Variants in MRPS31 observed in about 807,000 individuals in gnomAD.
The protein encoded by MRPS31 is small ribosomal subunit protein mS31.
MRPS31 carries 32 observed loss-of-function variants against 43.1 expected under a neutral mutation model. The observed-to-expected ratio is 0.74, with a 90% CI of 0.56 to 1.00. The LOEUF (loss-of-function observed/expected upper bound fraction) is 1.00, where lower values mean the gene tolerates loss of function less well. Ranked by LOEUF, MRPS31 falls within the 50% of genes least tolerant of loss-of-function variation. MRPS31 has a pLI of 0.00. For synonymous variants in MRPS31, 165 were observed against 161.6 expected, an observed-to-expected ratio of 1.02 and a Z score of -0.16; for missense variants, 437 against 466.7, an observed-to-expected ratio of 0.94 and a Z score of 0.59.
chr13:40,764,717 G>A (rs748754752), intron 2 of MRPS31, among the ~76,000 whole-genome samples: 1 of 152,184 alleles, frequency 6.6e-6, no homozygotes, highest in Non-Finnish European at 1.5e-5. Context: ...TAAGGTCTCA[G>A]CTGACAGCCA....
intron 2 of MRPS31, 74 bp downstream of exon 2, chr13:40,766,672 A>C: frequency 7.4e-7 from 1 of 1,350,204 alleles, no homozygotes; most frequent in East Asian, 2.3e-5. Context: ...AAGTACTTGT[A>C]TTAAAAATAT....
chr13:40,763,176 C>T (rs1880750168), intron 2 of MRPS31, among the ~76,000 whole-genome samples: 1 of 152,146 alleles, frequency 6.6e-6, no homozygotes, highest in African/African-American at 2.4e-5. Flanking sequence ...AACATTCAGA[C>T]CCAAAGGACC....
intron 2 of MRPS31, among the ~76,000 whole-genome samples, chr13:40,765,921 C>T (rs1198010721): frequency 6.6e-6 from 1 of 152,052 alleles, no homozygotes; most frequent in African/African-American, 2.4e-5. Flanking sequence ...TTGACAAACA[C>T]AAATAATTTT....
At position 40,771,131 on chromosome 13, in the gene MRPS31, A is replaced by G. The variant is rs1881000179; in HGVS notation, c.6T>C (p.Phe2=). Residue 2 remains phenylalanine (F), a synonymous_variant, in exon 1 of 7, where the codon TTT becomes TTC. Transcript: ENST00000323563. M[F]PRVSTFLPLR... The stretch of plus-strand genomic sequence containing the variant: ...GAGGTAGGAACGTCGAGACTCTAGG[A>G]AACATCGCCGAGACACGAAATGAAC... The G allele has an allele frequency of 6.2e-7, 1 of 1,602,340 alleles. No individual in the cohort carries two copies. The highest frequency in any genetic ancestry group is 8.5e-7 in the Non-Finnish European group (1 of 1,172,908).
intron 5 of MRPS31, among the ~76,000 whole-genome samples, chr13:40,751,055 T>C (rs933476816): frequency 6.6e-6 from 1 of 152,000 alleles, no homozygotes; most frequent in Non-Finnish European, 1.5e-5. Context: ...CCTTATTTTA[T>C]CTATTTTGCT....
chr13:40,770,846 G>A, intron 1 of MRPS31, 139 bp downstream of exon 1: 1 of 1,148,922 alleles, frequency 8.7e-7, no homozygotes. Context: ...TATGACCTTG[G>A]GCAAGTCATC....
intron 6 of MRPS31, among the ~76,000 whole-genome samples, chr13:40,744,130 A>G (rs1880175444): frequency 6.6e-6 from 1 of 152,234 alleles, no homozygotes; most frequent in Admixed American, 6.5e-5. Context: ...GTCCTCACTT[A>G]TAAGTGGAAG....
chr13:40,759,196 G>C (rs973495445), intron 2 of MRPS31, 90 bp from the exon 3 acceptor site: 1 of 987,508 alleles, frequency 1.0e-6, no homozygotes, highest in Non-Finnish European at 1.4e-6. Context: ...CCAGCACTTT[G>C]GGAAGCCGAG....
At chr13:40,734,945 A>T (rs146359863) in intron 6 of MRPS31, among the ~76,000 whole-genome samples, 158 of 152,304 alleles carry the variant, frequency 1.0e-3, no homozygotes, top group African/African-American at 3.5e-3. Flanking sequence ...ATGGCCGAAT[A>T]GCAACAGCTC....
In MRPS31 at chr13:40,748,645, T is replaced by G. The variant is rs1041716995; in HGVS notation, c.958+493A>C. Among the ~76,000 whole-genome samples the G allele has an allele frequency of 1.4e-4, 22 of 152,232 alleles. 1 individual carries two copies. The highest frequency in any genetic ancestry group is 2.6e-4 in the Admixed American group (4 of 15,286). On this transcript the variant is annotated intron_variant, in intron 6 of 6. Coordinates refer to ENST00000323563, the MANE Select transcript of MRPS31 (RefSeq NM_005830.4). ...TTGCCAGTTCAAAGCACCTATATTATGCAGGCAAAGATTTCCAAAGCATAC... is the reference window on the plus strand; with the variant it reads ...TTGCCAGTTCAAAGCACCTATATTAGGCAGGCAAAGATTTCCAAAGCATAC...
At chr13:40,770,161 C>T (rs1010893341) in intron 1 of MRPS31, among the ~76,000 whole-genome samples, 4 of 152,236 alleles carry the variant, frequency 2.6e-5, no homozygotes, top group African/African-American at 9.6e-5. Context: ...TATCCCATGA[C>T]GTCACATCCC....
chr13:40,731,812 A>C (rs1879708577), intron 6 of MRPS31, among the ~76,000 whole-genome samples: 1 of 152,178 alleles, frequency 6.6e-6, no homozygotes, highest in Non-Finnish European at 1.5e-5. Context: ...ATCTTGGTAC[A>C]TTAATTTTTT....
At chr13:40,753,431 G>C (rs1202338562) in intron 5 of MRPS31, among the ~76,000 whole-genome samples, 1 of 152,216 alleles carries the variant, frequency 6.6e-6, no homozygotes, top group Admixed American at 6.5e-5. Flanking sequence ...GTAATCGGTA[G>C]TACTTACCTC....
intron 2 of MRPS31, among the ~76,000 whole-genome samples, chr13:40,760,281 T>C (rs75088918): frequency 0.031 from 4,668 of 151,908 alleles, 333 homozygotes; most frequent in East Asian, 0.28. Context: ...ATGAAAAATG[T>C]AGTGTTTTGC....
chr13:40,734,034 CAGG>C (rs1566103513), intron 6 of MRPS31, among the ~76,000 whole-genome samples: 1 of 149,942 alleles, frequency 6.7e-6, no homozygotes, highest in Non-Finnish European at 1.5e-5. Flanking sequence ...GAGGCTGAGG[CAGG>C]AGAATAGCTT....
chr13:40,752,777 A>C (rs1050886521), intron 5 of MRPS31, among the ~76,000 whole-genome samples: 15 of 151,540 alleles, frequency 9.9e-5, no homozygotes, highest in Non-Finnish European at 4.4e-5. Flanking sequence ...TCTCACTTTG[A>C]TTCTTAGGAT....
chr13:40,748,172 T>G (rs1880291700), intron 6 of MRPS31, among the ~76,000 whole-genome samples: 2 of 152,222 alleles, frequency 1.3e-5, no homozygotes, highest in Admixed American at 1.3e-4. Context: ...TTGTTTGTTT[T>G]TTGAAATGGA....
intron 6 of MRPS31, 79 bp downstream of exon 6, chr13:40,749,059 A>G (rs901707949): frequency 1.2e-4 from 163 of 1,412,570 alleles, no homozygotes; most frequent in Non-Finnish European, 1.5e-4. Context: ...TCATGTAAGT[A>G]TCTATACTCT....
intron 2 of MRPS31, among the ~76,000 whole-genome samples, chr13:40,762,682 T>C (rs1311028307): frequency 6.6e-6 from 1 of 152,052 alleles, no homozygotes; most frequent in Non-Finnish European, 1.5e-5. Flanking sequence ...GCAATCCTCC[T>C]GCCTCAGCCT....
Sources: gnomAD v4.1 joint callset for allele counts (sites outside exome capture counted in the v4.1 genomes callset) on GRCh38, gnomAD v4.1.1 for gene constraint, MANE v1.5 for transcripts, NCBI Gene and HGNC (gene_info 2026-07-23, HGNC 2026-07-21) for gene names.